KHDRBS3: variants seen among roughly 807,000 people sequenced by gnomAD.
KHDRBS3 encodes KH RNA binding domain containing, signal transduction associated 3, also known as KH domain-containing, RNA-binding, signal transduction-associated protein 3.
KHDRBS3 carries 23 observed loss-of-function variants against 45.6 expected under a neutral mutation model. The ratio of observed to expected loss-of-function variants is 0.50; its 90% CI spans 0.36 to 0.72. KHDRBS3 has a LOEUF of 0.72. Among genes scored for constraint, KHDRBS3 ranks in the 30% least tolerant of loss-of-function variants. The probability of loss-of-function intolerance (pLI) is 0.00; values close to 1 mark genes in which losing one functional copy is unlikely to be tolerated. For synonymous variants in KHDRBS3, 162 were observed against 156.5 expected, an observed-to-expected ratio of 1.04 and a Z score of -0.26; for missense variants, 352 against 424.8, an observed-to-expected ratio of 0.83 and a Z score of 1.51.
intron 5 of KHDRBS3, among the ~76,000 whole-genome samples, chr8:135,562,494 A>AAG (rs1182165312): frequency 1.3e-5 from 2 of 152,224 alleles, no homozygotes; most frequent in Non-Finnish European, 2.9e-5. Context: ...GCTGTTCCTT[A>AAG]GAAGGTATCC....
intron 2 of KHDRBS3, among the ~76,000 whole-genome samples, chr8:135,535,230 AC>A: frequency 6.8e-6 from 1 of 147,326 alleles, no homozygotes; most frequent in African/African-American, 2.5e-5. Flanking sequence ...ACTATAATAA[AC>A]TATTATATAT....
In KHDRBS3 at chr8:135,572,255, A is replaced by G. The variant is rs144214237; in HGVS notation, c.612-9623A>G. Among the ~76,000 whole-genome samples, 14 of 152,154 alleles carry G rather than the reference A, an allele frequency of 9.2e-5. No homozygotes were observed. The East Asian group carries it at 2.3e-3, about 25-fold the overall frequency. ...GGGTGATACAGGCTTCAAAATAAAT[A>G]AGGAGCTCTCTGTTATCAGAGACTT... On this transcript the variant is annotated intron_variant, in intron 5 of 8. Transcript: ENST00000355849.
intron 5 of KHDRBS3, among the ~76,000 whole-genome samples, chr8:135,569,838 C>T (rs2130880358): frequency 6.6e-6 from 1 of 152,234 alleles, no homozygotes; most frequent in South Asian, 2.1e-4. Context: ...CTGCAAAGAC[C>T]TTGTTTCCTG....
intron 1 of KHDRBS3, among the ~76,000 whole-genome samples, chr8:135,509,542 TAACA>T (rs1168472361): frequency 3.3e-5 from 5 of 152,240 alleles, no homozygotes; most frequent in Admixed American, 2.0e-4. Flanking sequence ...TTTAAAATTT[TAACA>T]AACCTATGAA....
intron 7 of KHDRBS3, chr8:135,625,947 C>T (rs1391709081): frequency 1.2e-6 from 1 of 803,454 alleles, no homozygotes; most frequent in African/African-American, 1.7e-5. Flanking sequence ...TAGATTATCA[C>T]TGGTCACTGA....
At position 135,462,476 on chromosome 8, in the gene KHDRBS3, C is replaced by T. The variant is rs563112993; in HGVS notation, c.88+4522C>T. On this transcript the variant is annotated intron_variant, in intron 1 of 8. Coordinates refer to ENST00000355849, the MANE Select transcript of KHDRBS3 (RefSeq NM_006558.3). ...AGAAGCTCCTGCTCTCCTCTGTGTG[C>T]GTTTGAGAATGAATTTTCGGTTTGT... 7.6e-4 allele frequency among the ~76,000 whole-genome samples: 115 copies of T among 152,118 alleles called. 1 individual carries two copies. Among genetic ancestry groups the T allele is most frequent in the African/African-American group, 2.7e-3 (111 of 41,492 alleles).
At chr8:135,530,252 G>T (rs1825405891) in intron 2 of KHDRBS3, among the ~76,000 whole-genome samples, 1 of 151,996 alleles carries the variant, frequency 6.6e-6, no homozygotes. Context: ...TTACTATACT[G>T]ATTATTTTGG....
chr8:135,516,014 G>A (rs1215478632), intron 1 of KHDRBS3, among the ~76,000 whole-genome samples: 3 of 152,218 alleles, frequency 2.0e-5, no homozygotes, highest in Admixed American at 2.0e-4. Context: ...CCTGGATGGT[G>A]CAGCCGGCTT....
intron 1 of KHDRBS3, among the ~76,000 whole-genome samples, chr8:135,511,760 G>A (rs901403215): frequency 3.9e-5 from 6 of 152,040 alleles, no homozygotes; most frequent in African/African-American, 4.8e-5. Context: ...GTGTTTCACC[G>A]TGTTAGCCAG....
intron 7 of KHDRBS3, among the ~76,000 whole-genome samples, chr8:135,620,654 C>A (rs759474205): frequency 1.3e-5 from 2 of 152,120 alleles, no homozygotes; most frequent in Non-Finnish European, 2.9e-5. Context: ...GCAAACAGGA[C>A]AATTTGCCTT....
At chr8:135,575,900 T>C (rs562388373) in intron 5 of KHDRBS3, among the ~76,000 whole-genome samples, 1 of 152,346 alleles carries the variant, frequency 6.6e-6, no homozygotes, top group East Asian at 1.9e-4. Context: ...AGTGTCCTTT[T>C]TCTGTTCCAG....
At chr8:135,578,494 T>G (rs370761887) in intron 5 of KHDRBS3, among the ~76,000 whole-genome samples, 2 of 152,192 alleles carry the variant, frequency 1.3e-5, no homozygotes, top group African/African-American at 4.8e-5. Flanking sequence ...TATTTTCCAT[T>G]GAATTGTCTT....
intron 1 of KHDRBS3, among the ~76,000 whole-genome samples, chr8:135,477,190 A>G (rs1220249253): frequency 6.6e-6 from 1 of 152,176 alleles, no homozygotes; most frequent in African/African-American, 2.4e-5. Context: ...ATTGATAGAT[A>G]ATAATTATCT....
At chr8:135,490,151 G>A (rs1384747439) in intron 1 of KHDRBS3, among the ~76,000 whole-genome samples, 1 of 152,102 alleles carries the variant, frequency 6.6e-6, no homozygotes, top group East Asian at 1.9e-4. Context: ...GTGTGTAAGT[G>A]CACTCCATGA....
chr8:135,625,794 A>C, intron 7 of KHDRBS3: 2 of 769,118 alleles, frequency 2.6e-6, no homozygotes, highest in South Asian at 2.7e-5. Context: ...CTTAGCTTAG[A>C]ATTTCACTTT....
intron 6 of KHDRBS3, among the ~76,000 whole-genome samples, chr8:135,582,554 C>T (rs1828266751): frequency 6.6e-6 from 1 of 152,170 alleles, no homozygotes; most frequent in African/African-American, 2.4e-5. Flanking sequence ...TAGTGCAAAT[C>T]AGTTTTTCAT....
intron 7 of KHDRBS3, among the ~76,000 whole-genome samples, chr8:135,624,308 G>A (rs1830268161): frequency 6.6e-6 from 1 of 152,070 alleles, no homozygotes. Context: ...AGAGAAACAT[G>A]GTAAATGTAA....
intron 5 of KHDRBS3, among the ~76,000 whole-genome samples, chr8:135,569,982 A>T (rs189738570): frequency 4.6e-5 from 7 of 152,330 alleles, no homozygotes; most frequent in African/African-American, 1.7e-4. Context: ...TTACTTTATT[A>T]AAAAAGATAA....
At chr8:135,605,222 A>G (rs1829404707) in intron 6 of KHDRBS3, among the ~76,000 whole-genome samples, 1 of 151,950 alleles carries the variant, frequency 6.6e-6, no homozygotes, top group Non-Finnish European at 1.5e-5. Context: ...AATAATCTCT[A>G]TTCCTTTCTA....
Sources: gnomAD v4.1 joint callset for allele counts (sites outside exome capture counted in the v4.1 genomes callset) on GRCh38, gnomAD v4.1.1 for gene constraint, MANE v1.5 for transcripts, NCBI Gene and HGNC (gene_info 2026-07-23, HGNC 2026-07-21) for gene names.